AGBL4: variants seen among roughly 807,000 people sequenced by gnomAD.
AGBL4 encodes the protein cytosolic carboxypeptidase 6.
Under a neutral mutation model 66.4 loss-of-function variants are expected in AGBL4, and 58 were observed. That is an observed-to-expected ratio of 0.87 (90% CI 0.71 to 1.09). The LOEUF (loss-of-function observed/expected upper bound fraction) is 1.09. AGBL4 is among the 50% of genes least tolerant of loss of function. AGBL4 has a pLI of 0.00. For synonymous variants in AGBL4, 234 were observed against 222.9 expected, an observed-to-expected ratio of 1.05 and a Z score of -0.44; for missense variants, 579 against 631.0, an observed-to-expected ratio of 0.92 and a Z score of 0.88.
chr1:49,669,354 G>T (rs1646430047), intron 3 of AGBL4, among the ~76,000 whole-genome samples: 1 of 152,136 alleles, frequency 6.6e-6, no homozygotes, highest in Middle Eastern at 3.4e-3. Flanking sequence ...TTACTTTGAG[G>T]ACTAATTAGA....
At chr1:49,286,067 T>G (rs186511523) in intron 3 of AGBL4, among the ~76,000 whole-genome samples, 1 of 152,088 alleles carries the variant, frequency 6.6e-6, no homozygotes, top group East Asian at 1.9e-4. Flanking sequence ...TATACACAAA[T>G]CATAAATGTA....
chr1:48,548,487 C>T (rs936753070), intron 11 of AGBL4, among the ~76,000 whole-genome samples: 5 of 152,158 alleles, frequency 3.3e-5, no homozygotes, highest in African/African-American at 7.2e-5. Context: ...ACACCTTTTT[C>T]GTGGTAATGG....
intron 4 of AGBL4, among the ~76,000 whole-genome samples, chr1:49,079,397 G>T (rs1173270661): frequency 1.3e-5 from 2 of 152,188 alleles, no homozygotes; most frequent in African/African-American, 2.4e-5. Flanking sequence ...TTACAATCAT[G>T]ATGGAAGGGG....
At position 49,578,726 on chromosome 1, in the gene AGBL4, C is replaced by T. The variant is rs185610274; in HGVS notation, c.282+118587G>A. The stretch of plus-strand genomic sequence containing the variant: ...GTGCATTTCTGGTTGTATGAAGGAT[C>T]GTTGTATTATGTTAATTGTAATTAT... On this transcript the variant is annotated intron_variant, in intron 3 of 13. Transcript: ENST00000371839. Among the ~76,000 whole-genome samples, 6 of 152,070 alleles carry T rather than the reference C, an allele frequency of 3.9e-5. No homozygotes were observed. The East Asian group carries it at 9.7e-4, about 24-fold the overall frequency.
At chr1:49,096,332 T>C (rs2147991205) in intron 4 of AGBL4, among the ~76,000 whole-genome samples, 1 of 152,256 alleles carries the variant, frequency 6.6e-6, no homozygotes, top group East Asian at 1.9e-4. Flanking sequence ...AGCCATCCCT[T>C]TACTGGGTAT....
chr1:49,488,600 T>G (rs951167871), intron 3 of AGBL4, among the ~76,000 whole-genome samples: 1 of 151,826 alleles, frequency 6.6e-6, no homozygotes, highest in African/African-American at 2.4e-5. Context: ...AATTATTGAC[T>G]GTACTCATCC....
At position 48,737,158 on chromosome 1, in the gene AGBL4, C is replaced by T. The variant is rs1393635430; in HGVS notation, c.635-73917G>A. 5.3e-5 allele frequency among the ~76,000 whole-genome samples: 8 copies of T among 152,238 alleles called. No individual in the cohort carries two copies. The South Asian group carries it at 1.7e-3, about 32-fold the overall frequency. On this transcript the variant is annotated intron_variant, in intron 6 of 13. Coordinates refer to ENST00000371839, the MANE Select transcript of AGBL4 (RefSeq NM_032785.4). ...AATTAGCCAGGTGTGGTGGCACGCA[C>T]CTGTAGTCCCAGCTGCTTGGGAGGC...
intron 3 of AGBL4, among the ~76,000 whole-genome samples, chr1:49,262,117 C>T (rs1199614324): frequency 6.6e-6 from 1 of 152,068 alleles, no homozygotes; most frequent in African/African-American, 2.4e-5. Flanking sequence ...ATGTAGAAAG[C>T]TGAAACTGGA....
chr1:48,742,728 C>G, intron 6 of AGBL4: 1 of 1,608,790 alleles, frequency 6.2e-7, no homozygotes. Context: ...CCGGCTCGGG[C>G]TCGAGACATT....
chr1:48,906,450 G>A (rs1343372758), intron 5 of AGBL4, among the ~76,000 whole-genome samples: 1 of 152,112 alleles, frequency 6.6e-6, no homozygotes, highest in East Asian at 1.9e-4. Flanking sequence ...AAGTATGTGA[G>A]GGAGGGGCAG....
chr1:49,015,927 C>T (rs1179486012), intron 5 of AGBL4, among the ~76,000 whole-genome samples: 2 of 152,138 alleles, frequency 1.3e-5, no homozygotes, highest in Non-Finnish European at 2.9e-5. Context: ...CCTAGGTTTT[C>T]ATCTTAATTC....
intron 6 of AGBL4, among the ~76,000 whole-genome samples, chr1:48,822,876 A>G (rs531111566): frequency 1.3e-5 from 2 of 152,298 alleles, no homozygotes; most frequent in East Asian, 1.9e-4. Flanking sequence ...TTAGACTTCT[A>G]TTAACACAGA....
chr1:49,969,246 C>T (rs1033857132), intron 1 of AGBL4, among the ~76,000 whole-genome samples: 2 of 152,092 alleles, frequency 1.3e-5, no homozygotes, highest in African/African-American at 4.8e-5. Context: ...GTATACAACT[C>T]GATGAGTTGG....
At chr1:48,661,119 G>T (rs1223934186) in intron 7 of AGBL4, among the ~76,000 whole-genome samples, 1 of 151,942 alleles carries the variant, frequency 6.6e-6, no homozygotes, top group Non-Finnish European at 1.5e-5. Flanking sequence ...GTATAAAGAG[G>T]GAAAAACAAA....
At chr1:48,954,474 G>A (rs1657267345) in intron 5 of AGBL4, among the ~76,000 whole-genome samples, 1 of 152,186 alleles carries the variant, frequency 6.6e-6, no homozygotes, top group Non-Finnish European at 1.5e-5. Flanking sequence ...AGAGCAGAAA[G>A]TGACCTGCCC....
At chr1:48,619,566 A>G (rs1211561222) in intron 9 of AGBL4, among the ~76,000 whole-genome samples, 2 of 152,130 alleles carry the variant, frequency 1.3e-5, no homozygotes, top group Admixed American at 1.3e-4. Flanking sequence ...CACCCCACCC[A>G]TGCCAGGAGG....
intron 5 of AGBL4, among the ~76,000 whole-genome samples, chr1:48,949,224 C>G (rs1218056245): frequency 6.6e-6 from 1 of 152,168 alleles, no homozygotes; most frequent in Non-Finnish European, 1.5e-5. Context: ...GCACTTTTCC[C>G]TCACCTCTGC....
At chr1:48,914,744 G>A (rs545946716) in intron 5 of AGBL4, among the ~76,000 whole-genome samples, 2 of 152,302 alleles carry the variant, frequency 1.3e-5, no homozygotes, top group South Asian at 4.1e-4. Flanking sequence ...GCACTAAAAA[G>A]AGAGACTTTG....
chr1:49,245,443 G>T (rs1007482847), intron 4 of AGBL4, among the ~76,000 whole-genome samples: 1 of 149,726 alleles, frequency 6.7e-6, no homozygotes, highest in Non-Finnish European at 1.5e-5. Flanking sequence ...CATAATAAAA[G>T]CCAAACAGGA....
Sources: allele counts gnomAD v4.1 joint callset (sites outside exome capture counted in the v4.1 genomes callset), GRCh38; gene constraint gnomAD v4.1.1; transcripts MANE v1.5; gene names NCBI Gene and HGNC (gene_info 2026-07-23, HGNC 2026-07-21).